Variants in PI4KA observed in about 807,000 individuals in gnomAD.
The protein encoded by PI4KA is phosphatidylinositol 4-kinase alpha, also known as PI4-kinase alpha.
PI4KA carries 122 observed loss-of-function variants against 271.4 expected under a neutral mutation model. That is an observed-to-expected ratio of 0.45 (90% confidence interval 0.39 to 0.52). PI4KA has a LOEUF of 0.52. PI4KA is among the 20% of genes least tolerant of loss of function. PI4KA has a pLI of 0.00. For synonymous variants in PI4KA, 1,041 were observed against 1,078.8 expected (o/e 0.96, Z 0.69); for missense variants, 1,969 against 2,769.1 (o/e 0.71, Z 6.48).
At chr22:20,770,208 T>G (rs951490276) in intron 19 of PI4KA, among the ~76,000 whole-genome samples, 1 of 151,856 alleles carries the variant, frequency 6.6e-6, no homozygotes, top group Non-Finnish European at 1.5e-5. Context: ...GTTTTTTTTT[T>G]TTTGGTAGAG....
At chr22:20,713,896 A>AG (rs1308894872) in intron 47 of PI4KA, among the ~76,000 whole-genome samples, 1 of 152,272 alleles carries the variant, frequency 6.6e-6, no homozygotes, top group African/African-American at 2.4e-5. Context: ...ATTTGGAAAC[A>AG]GGGTCTTTGC....
intron 32 of PI4KA, among the ~76,000 whole-genome samples, chr22:20,741,320 G>A (rs181003022): frequency 6.6e-6 from 1 of 152,292 alleles, no homozygotes; most frequent in East Asian, 1.9e-4. Context: ...CACCATGCAG[G>A]TGAGGAGCCC....
At position 20,729,548 on chromosome 22, in the gene PI4KA, TGA is replaced by T. The variant is rs1248903336; in HGVS notation, c.4489-44_4489-43del. ...TAAGGCCTGATATGCACCCCTTCTGTGAGTGCCCACACACTGCCCCGGCCACC... is the reference window on the plus strand; with the variant it reads ...TAAGGCCTGATATGCACCCCTTCTGTGTGCCCACACACTGCCCCGGCCACC... On this transcript the variant is annotated intron_variant, in intron 38 of 54. Transcript: ENST00000255882. The T allele has an allele frequency of 4.5e-6, 7 of 1,553,394 alleles. No homozygotes were observed. In the South Asian group the frequency reaches 8.2e-5, roughly 18 times the overall value.
At chr22:20,736,960 G>A (rs558084953) in intron 32 of PI4KA, 11 of 153,608 alleles carry the variant, frequency 7.2e-5, no homozygotes, top group African/African-American at 2.4e-4. Context: ...GGCATCTACA[G>A]TGAAGGGAAG....
rs1174460539 is a variant in PI4KA at position 20,798,585 on chromosome 22, T to C, written c.2107A>G (p.Arg703Gly). 3 of 1,583,936 alleles carry C rather than the reference T, an allele frequency of 1.9e-6. No homozygotes were observed. The highest frequency in any genetic ancestry group is 2.2e-5 in the East Asian group (1 of 44,754). ...ATKDYKDHGY[R>G]HCSLAVINAL... ...AAAGTGACAATGAGGTCCAGTTACC[T>C]ATAGCCGTGGTCCTTGTAATCTTTG... Residue 703 changes from arginine to glycine, a missense_variant and splice_region_variant, in exon 17 of 55, where the codon AGG becomes GGG. By Grantham distance (125) the Arg-to-Gly change is moderately radical. Transcript: ENST00000255882.
intron 1 of PI4KA, among the ~76,000 whole-genome samples, chr22:20,852,896 T>C (rs1927165560): frequency 6.6e-6 from 1 of 152,154 alleles, no homozygotes; most frequent in African/African-American, 2.4e-5. Flanking sequence ...AGCACATATG[T>C]CCACCAAGGA....
intron 19 of PI4KA, chr22:20,786,038 G>C: frequency 6.2e-7 from 1 of 1,614,144 alleles, no homozygotes; most frequent in Non-Finnish European, 8.5e-7. Context: ...ATTCAAGCTG[G>C]AGAAGAACTA....
intron 3 of PI4KA, among the ~76,000 whole-genome samples, chr22:20,828,120 G>C (rs1923681564): frequency 6.6e-6 from 1 of 152,092 alleles, no homozygotes; most frequent in Non-Finnish European, 1.5e-5. Context: ...TGTGAATATT[G>C]TGAATGGGAC....
intron 28 of PI4KA, among the ~76,000 whole-genome samples, chr22:20,747,999 A>T (rs1377125275): frequency 1.3e-5 from 2 of 152,180 alleles, no homozygotes; most frequent in East Asian, 3.9e-4. Flanking sequence ...GCATCCCAAA[A>T]TGTCAGGATT....
chr22:20,845,113 G>C (rs2147797787), intron 1 of PI4KA, among the ~76,000 whole-genome samples: 1 of 152,250 alleles, frequency 6.6e-6, no homozygotes, highest in Non-Finnish European at 1.5e-5. Flanking sequence ...GGACCACAGG[G>C]AGGCAACAAA....
At chr22:20,716,697 T>C (rs993155949) in intron 45 of PI4KA, among the ~76,000 whole-genome samples, 5 of 152,134 alleles carry the variant, frequency 3.3e-5, no homozygotes, top group African/African-American at 1.2e-4. Flanking sequence ...CTTCTGTGCA[T>C]GCCCCCTGCA....
At chr22:20,713,477 G>C in intron 47 of PI4KA, 87 bp from the exon 48 acceptor site, 1 of 1,004,726 alleles carries the variant, frequency 1.0e-6, no homozygotes, top group Non-Finnish European at 1.5e-6. Context: ...TCACATGCCT[G>C]AAAGGAACCC....
chr22:20,714,152 TCGTC>T (rs1474156769), intron 47 of PI4KA, among the ~76,000 whole-genome samples: 1 of 151,846 alleles, frequency 6.6e-6, no homozygotes, highest in African/African-American at 2.4e-5. Flanking sequence ...AGAACTGAGA[TCGTC>T]CGTACGGTAG....
intron 29 of PI4KA, 142 bp downstream of exon 29, chr22:20,747,441 C>T: frequency 1.3e-6 from 1 of 781,856 alleles, no homozygotes; most frequent in Admixed American, 2.9e-5. Flanking sequence ...GCTTGCACCA[C>T]TACCATTGTC....
intron 22 of PI4KA, chr22:20,764,552 C>T (rs924410539): frequency 1.2e-5 from 5 of 400,194 alleles, no homozygotes; most frequent in Admixed American, 4.6e-5. Context: ...GTTCACAACA[C>T]TGACTGCAAC....
At chr22:20,818,339 A>T in intron 7 of PI4KA, 144 bp downstream of exon 7, 1 of 529,034 alleles carries the variant, frequency 1.9e-6, no homozygotes, top group East Asian at 3.5e-5. Context: ...GAAAACAGAA[A>T]ATAAATGCTT....
rs1466529616 is a variant in PI4KA, at chr22:20,846,202, T to C, written c.157-7471A>G. 3.5e-5 allele frequency among the ~76,000 whole-genome samples: 5 copies of C among 142,008 alleles called. No individual in the cohort carries two copies. In the Admixed American group the frequency reaches 3.7e-4, roughly 11 times the overall value. 93.2% of individuals were successfully genotyped at this position (142,008 alleles called of 152,430 possible). ...TGGCATGAACCCGGGAGGCAGAGCT[T>C]GCAGTGAGCCAAGATCGCGCCACTG... On this transcript the variant is annotated intron_variant, in intron 1 of 54. Transcript: ENST00000255882.
intron 3 of PI4KA, among the ~76,000 whole-genome samples, chr22:20,830,820 G>A (rs966840284): frequency 2.0e-5 from 3 of 152,128 alleles, no homozygotes; most frequent in African/African-American, 7.2e-5. Context: ...TGCCCAGGCT[G>A]GAGTGCAGTG....
Position 20,799,082 on chromosome 22 carries a change from GCCTC to G in PI4KA, c.2004+7_2004+10del, listed in dbSNP as rs1935143840. 2.5e-6 allele frequency: 4 copies of G among 1,610,716 alleles called. No individual in the cohort carries two copies. Among genetic ancestry groups the G allele is most frequent in the African/African-American group, 1.3e-5 (1 of 74,950 alleles). On this transcript the variant is annotated splice_region_variant and intron_variant, in intron 16 of 54. Transcript: ENST00000255882. ...CAGGGTTAGTGGTGTTCTGGCTCTG[GCCTC>G]CCTTACATTTCCGGTGATAACCAGG...
Sources: allele counts gnomAD v4.1 joint callset (sites outside exome capture counted in the v4.1 genomes callset), GRCh38; gene constraint gnomAD v4.1.1; transcripts MANE v1.5; gene names NCBI Gene and HGNC (gene_info 2026-07-23, HGNC 2026-07-21).